Variants in C11orf65 observed in about 807,000 individuals in gnomAD.
C11orf65 encodes chromosome 11 open reading frame 65.
Under a neutral mutation model 35.3 loss-of-function variants are expected in C11orf65, and 38 were observed. The observed-to-expected ratio is 1.08, with a 90% CI of 0.83 to 1.41. C11orf65 has a LOEUF of 1.41. C11orf65 is among the 40% of genes most tolerant of loss of function. The pLI is 0.00. For missense variants in C11orf65, 370 were observed against 367.1 expected (o/e 1.01, Z -0.06); for synonymous variants, 105 against 114.4 (o/e 0.92, Z 0.53).
intron 6 of C11orf65, among the ~76,000 whole-genome samples, chr11:108,317,842 A>G (rs968706988): frequency 4.0e-5 from 6 of 151,528 alleles, no homozygotes; most frequent in African/African-American, 1.5e-4. Flanking sequence ...CATTAGGACA[A>G]CTTCACCCCA....
Position 108,325,302 on chromosome 11 carries a change from G to T in C11orf65, c.641-16231C>A, listed in dbSNP as rs1555118989. On this transcript the variant is annotated intron_variant, in intron 6 of 6. Coordinates refer to the C11orf65 transcript ENST00000525729. ...TTGCTTACATGAACTCTATGTCGTG[G>T]CATTCAGATCAGTCACACATAGACA... 7.3e-7 allele frequency: 1 copy of T among 1,374,508 alleles called. No homozygotes were observed. The highest frequency in any genetic ancestry group is 1.2e-5 in the South Asian group (1 of 85,136). The allele number at this position is 1,374,508 out of a possible 1,614,324, so 85.1% of individuals were successfully genotyped here. A position where few individuals can be genotyped will look rare whatever the true frequency, so the allele number is the denominator to read the frequency against.
In C11orf65 at chr11:108,325,365, CA is replaced by C. The variant is rs2085556498; in HGVS notation, c.641-16295del. ...ATATATTAAGTGGCAGAAACACTCC[CA>C]GCTTCTCAAGGACAGTGATTTTAGT... On this transcript the variant is annotated intron_variant, in intron 6 of 6. Coordinates refer to the C11orf65 transcript ENST00000525729. 6.2e-7 allele frequency: 1 copy of C among 1,613,062 alleles called. No individual in the cohort carries two copies. The highest frequency in any genetic ancestry group is 8.5e-7 in the Non-Finnish European group (1 of 1,179,826).
intron 2 of C11orf65, among the ~76,000 whole-genome samples, chr11:108,363,257 T>C (rs2090998604): frequency 6.6e-6 from 1 of 152,224 alleles, no homozygotes; most frequent in Admixed American, 6.5e-5. Flanking sequence ...TTAGATTTCA[T>C]TGAGGCACAG....
At chr11:108,328,895 C>G (rs2085959888), downstream of C11orf65, 2 of 1,071,176 alleles carry the variant, frequency 1.9e-6, no homozygotes, top group East Asian at 5.2e-5. Context: ...TGCAATAGTT[C>G]ATATAATTTA....
At chr11:108,427,614 C>T (rs1300341194) in intron 3 of C11orf65, among the ~76,000 whole-genome samples, 21 of 135,162 alleles carry the variant, frequency 1.6e-4, no homozygotes, top group Admixed American at 9.8e-4. Context: ...CCCAGCTACA[C>T]GGGAGGCTGA....
At chr11:108,443,149 CA>C in intron 2 of C11orf65, among the ~76,000 whole-genome samples, 1 of 151,144 alleles carries the variant, frequency 6.6e-6, no homozygotes, top group African/African-American at 2.4e-5. Flanking sequence ...GGAAAACAAA[CA>C]AACAAAAAAA....
intron 3 of C11orf65, among the ~76,000 whole-genome samples, chr11:108,425,587 A>G (rs2092889226): frequency 6.6e-6 from 1 of 152,208 alleles, no homozygotes; most frequent in Non-Finnish European, 1.5e-5. Context: ...AGCTGGTACC[A>G]TTCCTTCTGA....
chr11:108,377,877 C>T (rs1330402625), downstream of C11orf65, among the ~76,000 whole-genome samples: 1 of 151,966 alleles, frequency 6.6e-6, no homozygotes, highest in African/African-American at 2.4e-5. Flanking sequence ...AACTCCCATT[C>T]ACAATTGCTT....
chr11:108,335,604 A>AG (rs1245034699), intron 2 of C11orf65, among the ~76,000 whole-genome samples: 5 of 152,120 alleles, frequency 3.3e-5, no homozygotes, highest in Non-Finnish European at 4.4e-5. Context: ...ATGCCTTCCT[A>AG]GGGGGGACTT....
intron 2 of C11orf65, among the ~76,000 whole-genome samples, chr11:108,349,932 A>G (rs2088981358): frequency 6.6e-6 from 1 of 152,194 alleles, no homozygotes; most frequent in African/African-American, 2.4e-5. Flanking sequence ...AGTGATGCCA[A>G]TAGGAAAGTC....
intron 3 of C11orf65, chr11:108,331,821 A>G: frequency 6.3e-7 from 1 of 1,579,444 alleles, no homozygotes; most frequent in Non-Finnish European, 8.7e-7. Context: ...GCAAAATGAA[A>G]AATATGGATT....
chr11:108,364,741 GC>G (rs2137843687), intron 2 of C11orf65, among the ~76,000 whole-genome samples: 1 of 152,272 alleles, frequency 6.6e-6, no homozygotes, highest in South Asian at 2.1e-4. Flanking sequence ...GAAGAATTGG[GC>G]CCTACAAAGC....
At chr11:108,405,623 T>C (rs1266607054) in intron 5 of C11orf65, 64 bp from the exon 6 acceptor site, 8 of 1,522,770 alleles carry the variant, frequency 5.3e-6, no homozygotes, top group Admixed American at 5.2e-5. Flanking sequence ...TATCTGGCAA[T>C]AGACAAGAAC....
chr11:108,466,395 G>A (rs190393322), intron 1 of C11orf65, among the ~76,000 whole-genome samples: 64 of 152,196 alleles, frequency 4.2e-4, no homozygotes, highest in Admixed American at 1.4e-3. Flanking sequence ...CCAATATGGT[G>A]AAACCCTGTC....
rs766461240 is a variant in C11orf65, at chr11:108,406,787, A to G, written c.405T>C (p.Asn135=). Residue 135 remains asparagine (N), a synonymous_variant, in exon 5 of 9, where the codon AAT becomes AAC. Coordinates refer to ENST00000393084, the MANE Select transcript of C11orf65 (RefSeq NM_152587.5). ...HSGWYHRIEN[N]GWRPVSDTFW... is the part of the protein sequence containing the mutation. ...CTGTATCAGAAACTGGCCTCCAGCC[A>G]TTGTTTTCTATACGATGATACCAGC... 2.5e-5 allele frequency: 40 copies of G among 1,606,232 alleles called. No homozygotes were observed. The highest frequency in any genetic ancestry group is 3.1e-5 in the Non-Finnish European group (37 of 1,175,482).
chr11:108,312,374 A>G (rs1241729692), intron 6 of C11orf65: 1 of 1,454,166 alleles, frequency 6.9e-7, no homozygotes, highest in African/African-American at 1.4e-5. Flanking sequence ...TCCAAATAGT[A>G]TGTTCTCATT....
chr11:108,372,084 G>T (rs758475855), intron 2 of C11orf65, among the ~76,000 whole-genome samples: 11 of 152,164 alleles, frequency 7.2e-5, no homozygotes, highest in Non-Finnish European at 1.6e-4. Context: ...AGATCGTAAC[G>T]TTAGGTTACT....
chr11:108,343,100 G>A, intron 2 of C11orf65: 2 of 1,249,338 alleles, frequency 1.6e-6, no homozygotes, highest in Admixed American at 1.7e-5. Flanking sequence ...GTCTTCTATG[G>A]ACAGAGAAAT....
intron 6 of C11orf65, among the ~76,000 whole-genome samples, chr11:108,321,997 T>C (rs1371621219): frequency 2.0e-5 from 3 of 152,310 alleles, no homozygotes; most frequent in Admixed American, 1.3e-4. Context: ...TTTCCTCATG[T>C]TTTTGCATAG....
Sources: gnomAD v4.1 joint callset for allele counts (sites outside exome capture counted in the v4.1 genomes callset) on GRCh38, gnomAD v4.1.1 for gene constraint, MANE v1.5 for transcripts, NCBI Gene and HGNC (gene_info 2026-07-23, HGNC 2026-07-21) for gene names.